BCL2L11: variants seen among roughly 807,000 people sequenced by gnomAD.
BCL2L11 encodes bcl-2-like protein 11.
Under a neutral mutation model 20.6 loss-of-function variants are expected in BCL2L11, and 15 were observed. The observed-to-expected ratio is 0.73, with a 90% confidence interval of 0.49 to 1.12. BCL2L11 has a LOEUF of 1.12. Ranked by LOEUF, BCL2L11 falls within the 50% of genes most tolerant of loss-of-function variation. BCL2L11 has a pLI of 0.00. For missense variants in BCL2L11, 292 were observed against 260.9 expected, an observed-to-expected ratio of 1.12 and a Z score of -0.82; for synonymous variants, 108 against 92.8, an observed-to-expected ratio of 1.16 and a Z score of -0.94.
At chr2:111,147,564 T>G (rs1055122889) in intron 2 of BCL2L11, among the ~76,000 whole-genome samples, 1 of 152,222 alleles carries the variant, frequency 6.6e-6, no homozygotes, top group African/African-American at 2.4e-5. Flanking sequence ...AAGTTGAAAT[T>G]GGCTAATTTG....
intron 2 of BCL2L11, among the ~76,000 whole-genome samples, chr2:111,141,700 GTT>G (rs113902453): frequency 4.7e-4 from 65 of 138,292 alleles, no homozygotes; most frequent in African/African-American, 1.0e-3. Flanking sequence ...ATTCTTGTGA[GTT>G]TTTTTTTTTT....
In BCL2L11 at chr2:111,158,836, G is replaced by T. The variant is rs73954969; in HGVS notation, c.499-5297G>T. 4.1e-3 allele frequency among the ~76,000 whole-genome samples: 624 copies of T among 152,226 alleles called. 2 individuals are homozygous for T. The highest frequency in any genetic ancestry group is 0.014 in the African/African-American group (561 of 41,528). ...AGCACATCTCACCCCTGGTTCCCAG[G>T]ATAACTCCTTGATGTCATGTCTGAT... On this transcript the variant is annotated intron_variant, in intron 3 of 3. Coordinates refer to ENST00000393256, the MANE Select transcript of BCL2L11 (RefSeq NM_138621.5).
Position 111,144,470 on chromosome 2 carries a change from C to T in BCL2L11, c.395-5574C>T, listed in dbSNP as rs577360498. The T allele has an allele frequency of 3.9e-6, 6 of 1,550,518 alleles. No individual in the cohort carries two copies. In the East Asian group the frequency reaches 1.2e-4, roughly 32 times the overall value. The stretch of plus-strand genomic sequence containing the variant: ...TTACCGCAAACGCTGATGGCAGTTG[C>T]TCTCCTTTGCCTTATAGCTAACTGG... On this transcript the variant is annotated intron_variant, in intron 2 of 3. Transcript: ENST00000393256.
rs1227014773 is a variant in BCL2L11, at chr2:111,147,010, A to G, written c.395-3034A>G. ...TTTTAAAAAAATAGTGATAGGTGCT[A>G]GTTAGAGTAGCCCTTACAGATCAGT... On this transcript the variant is annotated intron_variant, in intron 2 of 3. Coordinates refer to ENST00000393256, the MANE Select transcript of BCL2L11 (RefSeq NM_138621.5). Among the ~76,000 whole-genome samples the G allele has an allele frequency of 5.3e-5, 8 of 152,194 alleles. No individual in the cohort carries two copies. The East Asian group carries it at 1.5e-3, about 29-fold the overall frequency.
chr2:111,131,500 A>G (rs1291138738), intron 2 of BCL2L11: 4 of 151,946 alleles, frequency 2.6e-5, no homozygotes, highest in Non-Finnish European at 2.9e-5. Flanking sequence ...TATCTCTGTC[A>G]GTCTTTCCAA....
intron 2 of BCL2L11, among the ~76,000 whole-genome samples, chr2:111,129,555 GTA>G (rs2073460829): frequency 6.6e-6 from 1 of 152,158 alleles, no homozygotes. Context: ...CCTAATTATA[GTA>G]TACTGTCACA....
chr2:111,137,093 TA>T (rs1440799497), intron 2 of BCL2L11, among the ~76,000 whole-genome samples: 3 of 152,208 alleles, frequency 2.0e-5, no homozygotes, highest in Non-Finnish European at 2.9e-5. Flanking sequence ...TTATATGCCT[TA>T]GGGGGGACTT....
rs567574954 is a variant in BCL2L11, at chr2:111,168,158, T to C, written c.*3927T>C. 1.1e-4 allele frequency: 13 copies of C among 122,318 alleles called. No homozygotes were observed. Among genetic ancestry groups the C allele is most frequent in the African/African-American group, 4.6e-4 (12 of 26,122 alleles). The allele number at this position is 122,318 out of a possible 1,614,324, so 7.6% of individuals were successfully genotyped here. A position where few individuals can be genotyped will look rare whatever the true frequency, so the allele number is the denominator to read the frequency against. ...ATTTCAGACTATAGAAGCTCTCTTA[T>C]GTTTTATGTCCAGATTCTGTGACCA... On this transcript the variant is annotated 3_prime_UTR_variant, in exon 4 of 4. Coordinates refer to ENST00000393256, the MANE Select transcript of BCL2L11 (RefSeq NM_138621.5).
At position 111,120,979 on chromosome 2, in the gene BCL2L11, TGCCGCCGCCGCC is replaced by T. The variant is rs5833391; in HGVS notation, c.-192_-181del. The T allele has an allele frequency of 0.037, 12,490 of 335,466 alleles. 767 individuals are homozygous for T. Among genetic ancestry groups the T allele is most frequent in the East Asian group, 0.13 (2,100 of 16,276 alleles). The allele number at this position is 335,466 out of a possible 1,614,324, so 20.8% of individuals were successfully genotyped here. A position where few individuals can be genotyped will look rare whatever the true frequency, so the allele number is the denominator to read the frequency against. On this transcript the variant is annotated 5_prime_UTR_variant, in exon 1 of 4. Transcript: ENST00000393256. The stretch of plus-strand genomic sequence containing the variant: ...GCTCTGCGTCCAGCGCCGCTGCCGC[TGCCGCCGCCGCC>T]GCCGCCGCCGCCGCCGCCGCCGCCG...
intron 2 of BCL2L11, among the ~76,000 whole-genome samples, chr2:111,148,535 T>G (rs2076852153): frequency 6.6e-6 from 1 of 152,252 alleles, no homozygotes; most frequent in Admixed American, 6.5e-5. Flanking sequence ...GAAATATTTG[T>G]GTGACACAGG....
intron 2 of BCL2L11, among the ~76,000 whole-genome samples, chr2:111,130,858 T>C (rs1438878539): frequency 6.6e-6 from 1 of 152,212 alleles, no homozygotes; most frequent in Non-Finnish European, 1.5e-5. Context: ...CTGTACCAGT[T>C]GATATGATCC....
intron 2 of BCL2L11, among the ~76,000 whole-genome samples, chr2:111,141,873 ATTTT>A (rs1213426124): frequency 4.0e-5 from 6 of 151,862 alleles, no homozygotes; most frequent in Admixed American, 2.0e-4. Context: ...GAATTTTTGT[ATTTT>A]TTTAGTAGAG....
intron 3 of BCL2L11, among the ~76,000 whole-genome samples, chr2:111,155,242 T>C (rs1429816716): frequency 6.6e-6 from 1 of 152,214 alleles, no homozygotes; most frequent in East Asian, 1.9e-4. Context: ...AGTGGTGCAG[T>C]GTTTGTATTT....
At chr2:111,133,331 C>A (rs556344080) in intron 2 of BCL2L11, among the ~76,000 whole-genome samples, 1 of 152,222 alleles carries the variant, frequency 6.6e-6, no homozygotes, top group Non-Finnish European at 1.5e-5. Context: ...AGTCTTACCC[C>A]CTTTCGCTTT....
chr2:111,129,624 C>T (rs918144053), intron 2 of BCL2L11, among the ~76,000 whole-genome samples: 4 of 152,214 alleles, frequency 2.6e-5, no homozygotes, highest in African/African-American at 9.7e-5. Context: ...ATCAGTTTCA[C>T]ATGCAGTCCA....
chr2:111,159,796 T>C (rs1225667682), intron 3 of BCL2L11, among the ~76,000 whole-genome samples: 1 of 152,212 alleles, frequency 6.6e-6, no homozygotes, highest in African/African-American at 2.4e-5. Context: ...CGCTAGGGCA[T>C]TCCTGTGGTA....
chr2:111,164,944 A>C lies in BCL2L11; in HGVS notation c.*713A>C, dbSNP rs1273938163. ...TGCATCTGTGGCAAAATTTCAGACT[A>C]TTTTTGCGTCTTTCCTCATCACTTT... On this transcript the variant is annotated 3_prime_UTR_variant, in exon 4 of 4. Transcript: ENST00000393256. 6.6e-6 allele frequency: 1 copy of C among 152,178 alleles called. No homozygotes were observed. Among genetic ancestry groups the C allele is most frequent in the African/African-American group, 2.4e-5 (1 of 41,428 alleles). The allele number at this position is 152,178 out of a possible 1,614,324, so 9.4% of individuals were successfully genotyped here.
intron 3 of BCL2L11, among the ~76,000 whole-genome samples, chr2:111,160,256 C>G (rs1047272698): frequency 2.4e-4 from 36 of 152,238 alleles, no homozygotes; most frequent in African/African-American, 8.7e-4. Flanking sequence ...CTGGCTCCCC[C>G]ACTTCCTCTC....
chr2:111,128,821 TA>T, intron 2 of BCL2L11: 1 of 1,464,412 alleles, frequency 6.8e-7, no homozygotes, highest in Non-Finnish European at 9.0e-7. Flanking sequence ...CATTGGTGAT[TA>T]AATAAAATGT....
Sources: allele counts gnomAD v4.1 joint callset (sites outside exome capture counted in the v4.1 genomes callset), GRCh38; gene constraint gnomAD v4.1.1; transcripts MANE v1.5; gene names NCBI Gene and HGNC (gene_info 2026-07-23, HGNC 2026-07-21).